PRSS33: variants seen among roughly 807,000 people sequenced by gnomAD.
PRSS33 encodes the protein protease, serine 33.
Under a neutral mutation model 26.7 loss-of-function variants are expected in PRSS33, and 32 were observed. The observed-to-expected ratio is 1.20, with a 90% CI of 0.90 to 1.61. The LOEUF is 1.61. Ranked by LOEUF, PRSS33 falls within the 40% of genes most tolerant of loss-of-function variation. PRSS33 has a pLI of 0.00. For missense variants in PRSS33, 450 were observed against 396.3 expected, an observed-to-expected ratio of 1.14 and a Z score of -1.15; for synonymous variants, 192 against 177.6, an observed-to-expected ratio of 1.08 and a Z score of -0.64.
chr16:2,785,804 G>A lies in PRSS33; in HGVS notation c.237C>T (p.Phe79=). The A allele has an allele frequency of 6.3e-7, 1 of 1,596,880 alleles. No homozygotes were observed. ...PQWVLTAAHC[F]PRRALPAEYR... The stretch of plus-strand genomic sequence containing the variant: ...GGCCCTCGGTGAGCGCTGACCTGGG[G>A]AAGCAGTGCGCCGCTGTCAGCACCC... The change falls in exon 4 of 7, where the codon TTC becomes TTT. Residue 79 remains phenylalanine (F), a synonymous_variant. Transcript: ENST00000682474.
In PRSS33 at chr16:2,785,126, A is replaced by G; in HGVS notation, c.560T>C (p.Leu187Pro). 1 of 1,545,608 alleles carries G rather than the reference A, an allele frequency of 6.5e-7. No homozygotes were observed. Among genetic ancestry groups the G allele is most frequent in the Non-Finnish European group, 8.7e-7 (1 of 1,148,064 alleles). ...WRPLQGVRVP[L>P]LDSRTCDGLY... is the part of the protein sequence containing the mutation. The stretch of plus-strand genomic sequence containing the variant: ...GCCGTCGCAGGTGCGCGAGTCCAGC[A>G]GCGGCACCCTTACTCCTTGTAGCGG... The change falls in exon 6 of 7, where the codon CTG (leucine) becomes CCG (proline). Residue 187 changes from leucine to proline, a missense_variant. Coordinates refer to ENST00000682474, the MANE Select transcript of PRSS33 (RefSeq NM_152891.3).
chr16:2,785,041 C>G lies in PRSS33; in HGVS notation c.645G>C (p.Leu215=), dbSNP rs2068856053. Residue 215 remains leucine (L), a synonymous_variant, in exon 6 of 7, where the codon CTG becomes CTC. Coordinates refer to ENST00000682474, the MANE Select transcript of PRSS33 (RefSeq NM_152891.3). ...QAERIVLPGS[L]CAGYPQGHKD... The stretch of plus-strand genomic sequence containing the variant: ...TGTGGCCCTGGGGGTAGCCGGCACA[C>G]AGACTCCCAGGCAGCACAATGCGCT... The G allele has an allele frequency of 5.0e-6, 8 of 1,589,084 alleles. No individual in the cohort carries two copies. In the East Asian group the frequency reaches 1.8e-4, roughly 36 times the overall value.
At position 2,785,962 on chromosome 16, in the gene PRSS33, C is replaced by T; in HGVS notation, c.80-1G>A. 6.2e-7 allele frequency: 1 copy of T among 1,612,898 alleles called. No individual in the cohort carries two copies. Among genetic ancestry groups the T allele is most frequent in the Non-Finnish European group, 8.5e-7 (1 of 1,179,924 alleles). ...CTGGACATGCGGGGCTGCCCGCAGG[C>T]TAGAAAAGGACCAGGGGCGGTGAGG... On this transcript the variant is annotated splice_acceptor_variant, in intron 3 of 6. Transcript: ENST00000682474. LOFTEE classifies it high-confidence loss of function.
intron 2 of PRSS33, 49 bp from the exon 3 acceptor site, chr16:2,786,170 T>C (rs1302332794): frequency 1.3e-6 from 2 of 1,543,144 alleles, no homozygotes; most frequent in Non-Finnish European, 1.8e-6. Context: ...TGGTGTCAAA[T>C]AACGGAGTTG....
chr16:2,785,298 G>A (rs1271344319), intron 5 of PRSS33, 77 bp downstream of exon 5: 2 of 1,450,282 alleles, frequency 1.4e-6, no homozygotes, highest in Non-Finnish European at 1.8e-6. Flanking sequence ...GGGGCAGTGA[G>A]GGGCTGGGAT....
rs761719514 is a variant in PRSS33 at position 2,785,186 on chromosome 16, G to A, written c.515-15C>T. The A allele has an allele frequency of 1.6e-5, 25 of 1,531,054 alleles. No individual in the cohort carries two copies. Among genetic ancestry groups the A allele is most frequent in the Non-Finnish European group, 2.1e-5 (24 of 1,141,490 alleles). The allele number at this position is 1,531,054 out of a possible 1,614,324, so 94.8% of individuals were successfully genotyped here. A position where few individuals can be genotyped will look rare whatever the true frequency, so the allele number is the denominator to read the frequency against. ...TGGGAGGGGCACTGGGGGAAGAGGA[G>A]GGACCTCTGAGAGGAAGGCGTGGAG... On this transcript the variant is annotated splice_polypyrimidine_tract_variant and intron_variant, in intron 5 of 6. Transcript: ENST00000682474.
Position 2,784,465 on chromosome 16 carries a change from G to A in PRSS33, c.*179C>T. On this transcript the variant is annotated 3_prime_UTR_variant, in exon 7 of 7. Coordinates refer to ENST00000682474, the MANE Select transcript of PRSS33 (RefSeq NM_152891.3). ...ATGAGGGTTGGTGGAGTCAGAGCTGGTGATCCCCAAAGAGGAGAGGAGGCA... is the reference window on the plus strand; with the variant it reads ...ATGAGGGTTGGTGGAGTCAGAGCTGATGATCCCCAAAGAGGAGAGGAGGCA... The A allele has an allele frequency of 7.3e-6, 4 of 545,966 alleles. No homozygotes were observed. Among genetic ancestry groups the A allele is most frequent in the Admixed American group, 3.6e-5 (1 of 27,790 alleles). The allele number at this position is 545,966 out of a possible 1,614,324, so 33.8% of individuals were successfully genotyped here.
intron 5 of PRSS33, 91 bp from the exon 6 acceptor site, chr16:2,785,262 C>T (rs1217110111): frequency 6.9e-7 from 1 of 1,446,822 alleles, no homozygotes; most frequent in African/African-American, 1.4e-5. Context: ...GTTTTGTTCC[C>T]TAGAAGCCGC....
In PRSS33 at chr16:2,785,141, C is replaced by T. The variant is rs998874503; in HGVS notation, c.545G>A (p.Gly182Glu). 5.2e-6 allele frequency: 8 copies of T among 1,542,682 alleles called. No individual in the cohort carries two copies. In the African/African-American group the frequency reaches 9.6e-5, roughly 18 times the overall value. ...CGAGTCCAGCAGCGGCACCCTTACTCCTTGTAGCGGTCGCCACTCTGGGAG... is the reference window on the plus strand; with the variant it reads ...CGAGTCCAGCAGCGGCACCCTTACTTCTTGTAGCGGTCGCCACTCTGGGAG... ...VPLPEWRPLQ[G>E]VRVPLLDSRT... The change falls in exon 6 of 7, where the codon GGA (glycine) becomes GAA (glutamate). Residue 182 changes from glycine (G) to glutamate (E), a missense_variant. By Grantham distance (98) the Gly-to-Glu change is moderately conservative. Coordinates refer to ENST00000682474, the MANE Select transcript of PRSS33 (RefSeq NM_152891.3).
At position 2,785,188 on chromosome 16, in the gene PRSS33, G is replaced by A. The variant is rs12599918; in HGVS notation, c.515-17C>T. ...GGAGGGGCACTGGGGGAAGAGGAGG[G>A]ACCTCTGAGAGGAAGGCGTGGAGCG... On this transcript the variant is annotated splice_polypyrimidine_tract_variant and intron_variant, in intron 5 of 6. Coordinates refer to ENST00000682474, the MANE Select transcript of PRSS33 (RefSeq NM_152891.3). The A allele has an allele frequency of 0.72, 1,104,818 of 1,529,012 alleles. 405,582 individuals carry two copies. The highest frequency in any genetic ancestry group is 0.79 in the African/African-American group (57,535 of 73,000). The allele number at this position is 1,529,012 out of a possible 1,614,324, so 94.7% of individuals were successfully genotyped here.
At chr16:2,785,670 A>ACTTCCAGCACCGGGTCCTC in intron 4 of PRSS33, 24 bp from the exon 5 acceptor site, 1 of 1,468,918 alleles carries the variant, frequency 6.8e-7, no homozygotes, top group South Asian at 1.3e-5. Flanking sequence ...GCGGGGGACT[A>ACTTCCAGCACCGGGTCCTC]CTTCCAGCAC....
chr16:2,784,885 A>T (rs2068854346), intron 6 of PRSS33, 83 bp from the exon 7 acceptor site: 1 of 1,524,606 alleles, frequency 6.6e-7, no homozygotes, highest in African/African-American at 1.4e-5. Context: ...TGGTGCCTCT[A>T]GGTTGGAGGC....
Position 2,784,592 on chromosome 16 carries a change from G to A in PRSS33, c.*52C>T. The A allele has an allele frequency of 2.7e-6, 4 of 1,508,674 alleles. No individual in the cohort carries two copies. Among genetic ancestry groups the A allele is most frequent in the Non-Finnish European group, 3.6e-6 (4 of 1,120,636 alleles). The allele number at this position is 1,508,674 out of a possible 1,614,324, so 93.5% of individuals were successfully genotyped here. On this transcript the variant is annotated 3_prime_UTR_variant, in exon 7 of 7. Coordinates refer to ENST00000682474, the MANE Select transcript of PRSS33 (RefSeq NM_152891.3). ...TATAGGCAGGTGCCTGGATGAACCA[G>A]GAGGCTGAGGGACCCCAGCAGCTGG...
At chr16:2,785,674 C>T (rs2068865424) in intron 4 of PRSS33, 28 bp from the exon 5 acceptor site, 1 of 1,469,244 alleles carries the variant, frequency 6.8e-7, no homozygotes, top group Non-Finnish European at 9.0e-7. Flanking sequence ...GGGACTACTT[C>T]CAGCACCGGG....
Position 2,784,623 on chromosome 16 carries a change from G to T in PRSS33, c.*21C>A, listed in dbSNP as rs2068851024. 2 of 1,560,626 alleles carry T rather than the reference G, an allele frequency of 1.3e-6. No individual in the cohort carries two copies. The highest frequency in any genetic ancestry group is 2.7e-5 in the African/African-American group (2 of 73,594). On this transcript the variant is annotated 3_prime_UTR_variant, in exon 7 of 7. Coordinates refer to ENST00000682474, the MANE Select transcript of PRSS33 (RefSeq NM_152891.3). ...TGAGGGACCCCAGCAGCTGGCTCCA[G>T]GTCAGCCTCACCGGCTAGCATTAGA...
intron 1 of PRSS33, 149 bp from the exon 2 acceptor site, chr16:2,786,753 C>G (rs1029472404): frequency 3.5e-6 from 2 of 579,164 alleles, no homozygotes; most frequent in Non-Finnish European, 6.1e-6. Context: ...GTATACCCTT[C>G]GTTCTGCCCA....
In PRSS33 at chr16:2,786,248, G is replaced by A. The variant is rs1596306096; in HGVS notation, c.47-127C>T. ...CCCTGACATTGCGCCAGGCTTTCGT[G>A]CCGTCTGTTATCTTATTTAACCCTC... On this transcript the variant is annotated intron_variant, in intron 2 of 6. Coordinates refer to ENST00000682474, the MANE Select transcript of PRSS33 (RefSeq NM_152891.3). 5 of 980,712 alleles carry A rather than the reference G, an allele frequency of 5.1e-6. No homozygotes were observed. The East Asian group carries it at 1.3e-4, about 25-fold the overall frequency. The allele number at this position is 980,712 out of a possible 1,614,324, so 60.8% of individuals were successfully genotyped here. A position where few individuals can be genotyped will look rare whatever the true frequency, so the allele number is the denominator to read the frequency against.
intron 1 of PRSS33, 73 bp from the exon 2 acceptor site, chr16:2,786,677 C>T: frequency 1.0e-6 from 1 of 984,006 alleles, no homozygotes; most frequent in Non-Finnish European, 1.5e-6. Flanking sequence ...CCGTCACCCC[C>T]TCCGTGGTCC....
At position 2,784,718 on chromosome 16, in the gene PRSS33, G is replaced by T; in HGVS notation, c.769C>A (p.Leu257Met). ...GVVSWGKGCA[L>M]PNRPGVYTSV... is the part of the protein sequence containing the mutation. ...GTGTAGACCCCTGGACGGTTGGGCA[G>T]GGCACAACCCTTGCCCCAGCTCACC... Residue 257 changes from leucine to methionine, a missense_variant, in exon 7 of 7, where the codon CTG becomes ATG. Physicochemically the swap from Leu to Met is conservative, Grantham distance 15. Transcript: ENST00000682474. 1 of 1,607,060 alleles carries T rather than the reference G, an allele frequency of 6.2e-7. No homozygotes were observed. Among genetic ancestry groups the T allele is most frequent in the East Asian group, 2.2e-5 (1 of 44,606 alleles).
Sources: gnomAD v4.1 joint callset for allele counts on GRCh38, gnomAD v4.1.1 for gene constraint, MANE v1.5 for transcripts, NCBI Gene and HGNC (gene_info 2026-07-23, HGNC 2026-07-21) for gene names.